Variants in NBPF12 observed in about 807,000 individuals in gnomAD.
The protein encoded by NBPF12 is NBPF family member NBPF12.
In NBPF12, 115 loss-of-function variants were observed where a neutral mutation model predicts 146.4. The observed-to-expected ratio is 0.79, with a 90% CI of 0.68 to 0.92. The LOEUF is 0.92. NBPF12 is among the 40% of genes least tolerant of loss of function. The probability of loss-of-function intolerance (pLI) is 0.00; values close to 1 mark genes in which losing one functional copy is unlikely to be tolerated. For missense variants in NBPF12, 1,205 were observed against 1,326.8 expected (o/e 0.91, Z 1.43); for synonymous variants, 385 against 508.9 (o/e 0.76, Z 3.28).
At chr1:146,944,936 C>G (rs1158724132), upstream of NBPF12, among the ~76,000 whole-genome samples, 1 of 111,114 alleles carries the variant, frequency 9.0e-6, no homozygotes, top group Non-Finnish European at 1.9e-5. Flanking sequence ...GCCTCCCTCC[C>G]TCCCTCCCTT....
At chr1:146,975,315 T>G (rs1395575089) in intron 15 of NBPF12, among the ~76,000 whole-genome samples, 1 of 131,758 alleles carries the variant, frequency 7.6e-6, no homozygotes, top group Non-Finnish European at 1.6e-5. Context: ...TGTACATGGC[T>G]TTGTATCTAA....
exon 14 of NBPF12, chr1:146,972,834 A>G: frequency 7.4e-7 from 1 of 1,349,404 alleles, no homozygotes; most frequent in Non-Finnish European, 1.1e-6. Flanking sequence ...AGAGATGAAC[A>G]TTCTAGAAAT....
intron 4 of NBPF12, among the ~76,000 whole-genome samples, chr1:146,960,631 T>C (rs1655789883): frequency 6.6e-6 from 1 of 152,054 alleles, no homozygotes; most frequent in Non-Finnish European, 1.5e-5. Context: ...CTCTGTACCA[T>C]ATAAGATCCT....
chr1:146,967,587 CTTGTTCCTA>C (rs1656288574), intron 9 of NBPF12, among the ~76,000 whole-genome samples: 2 of 150,260 alleles, frequency 1.3e-5, no homozygotes, highest in Non-Finnish European at 2.9e-5. Flanking sequence ...GGCACAGAGT[CTTGTTCCTA>C]AAGAGGAAGA....
At chr1:146,992,376 C>T (rs1284047154) in intron 31 of NBPF12, among the ~76,000 whole-genome samples, 1 of 140,174 alleles carries the variant, frequency 7.1e-6, no homozygotes, top group Admixed American at 7.5e-5. Flanking sequence ...AGGGCACTAA[C>T]TCAGAGTGTC....
chr1:146,971,835 T>C (rs1656640798), intron 13 of NBPF12, among the ~76,000 whole-genome samples: 3 of 150,172 alleles, frequency 2.0e-5, no homozygotes, highest in Admixed American at 6.6e-5. Flanking sequence ...ATCCCAGCAC[T>C]TTGGGAGGCC....
chr1:146,963,557 CTAGTTT>C (rs1656001414), intron 6 of NBPF12, among the ~76,000 whole-genome samples: 1 of 151,952 alleles, frequency 6.6e-6, no homozygotes, highest in African/African-American at 2.4e-5. Context: ...CAGCATCTAT[CTAGTTT>C]TAAAGGACAG....
intron 19 of NBPF12, among the ~76,000 whole-genome samples, chr1:146,981,294 A>ATATATAT (rs1553887974): frequency 3.3e-4 from 30 of 90,216 alleles, no homozygotes; most frequent in African/African-American, 1.2e-3. Flanking sequence ...AAAAAAAAAA[A>ATATATAT]ATATATATAT....
At chr1:146,976,687 T>C (rs1396521561) in intron 16 of NBPF12, among the ~76,000 whole-genome samples, 10 of 151,716 alleles carry the variant, frequency 6.6e-5, no homozygotes, top group Non-Finnish European at 1.3e-4. Context: ...TCCAGTGATA[T>C]GGGAAGCAAA....
At chr1:146,952,452 A>G (rs1282439804) in intron 2 of NBPF12, among the ~76,000 whole-genome samples, 1 of 152,056 alleles carries the variant, frequency 6.6e-6, no homozygotes, top group Non-Finnish European at 1.5e-5. Flanking sequence ...ACTTTATGTC[A>G]AATTAGAAAG....
chr1:146,966,886 C>A (rs1475413132), intron 9 of NBPF12, among the ~76,000 whole-genome samples: 1 of 150,206 alleles, frequency 6.7e-6, no homozygotes, highest in South Asian at 2.1e-4. Flanking sequence ...GGGGGTGGGA[C>A]TAGAGTTAAA....
At chr1:146,969,770 T>C (rs1656460810) in intron 11 of NBPF12, among the ~76,000 whole-genome samples, 174 bp downstream of exon 14, 1 of 151,438 alleles carries the variant, frequency 6.6e-6, no homozygotes, top group Non-Finnish European at 1.5e-5. Flanking sequence ...CCCATGGGTT[T>C]GGAGGTCCCA....
chr1:146,948,161 C>G (rs1279778567), upstream of NBPF12, among the ~76,000 whole-genome samples: 1 of 151,924 alleles, frequency 6.6e-6, no homozygotes, highest in Non-Finnish European at 1.5e-5. Context: ...CAGGCGCCTG[C>G]TACCACACCT....
intron 2 of NBPF12, among the ~76,000 whole-genome samples, chr1:146,952,984 TC>T (rs1655391748): frequency 6.6e-6 from 1 of 150,994 alleles, no homozygotes; most frequent in African/African-American, 2.5e-5. Flanking sequence ...AGAGGCATTC[TC>T]CTCACCAAGG....
intron 6 of NBPF12, 69 bp from the exon 10 acceptor site, chr1:146,964,288 C>T: frequency 1.3e-6 from 2 of 1,589,428 alleles, no homozygotes; most frequent in Non-Finnish European, 1.7e-6. Flanking sequence ...TGTCTCTGTG[C>T]ACGTTGGGCT....
chr1:146,953,784 A>C (rs1655430287), intron 2 of NBPF12, among the ~76,000 whole-genome samples: 1 of 147,824 alleles, frequency 6.8e-6, no homozygotes, highest in South Asian at 2.2e-4. Context: ...AAAAAGTAGA[A>C]TACCTGTTGT....
chr1:146,981,287 AAAAAAAAAT>A (rs1559526939), intron 19 of NBPF12, among the ~76,000 whole-genome samples: 1 of 111,564 alleles, frequency 9.0e-6, no homozygotes, highest in South Asian at 2.6e-4. Context: ...TAAAAAAAAA[AAAAAAAAAT>A]ATATATATAT....
chr1:146,967,355 G>T (rs1463524348), intron 9 of NBPF12, among the ~76,000 whole-genome samples: 2 of 150,898 alleles, frequency 1.3e-5, no homozygotes, highest in East Asian at 3.9e-4. Context: ...ACAAAAAGTA[G>T]ATGGGCGTGG....
intron 1 of NBPF12, 40 bp from the exon 5 acceptor site, chr1:146,951,308 C>T (rs1262755124): frequency 5.8e-6 from 4 of 689,386 alleles, no homozygotes; most frequent in South Asian, 1.6e-5. Flanking sequence ...AAACCTTTTC[C>T]TCTGGGGAGG....
Sources: gnomAD v4.1 joint callset for allele counts (sites outside exome capture counted in the v4.1 genomes callset) on GRCh38, gnomAD v4.1.1 for gene constraint, MANE v1.5 for transcripts, NCBI Gene and HGNC (gene_info 2026-07-23, HGNC 2026-07-21) for gene names.